The following ZNF362 variants were observed in gnomAD, a reference collection of about 807,000 sequenced individuals.
ZNF362 encodes the protein zinc finger protein 362.
Under a neutral mutation model 42.9 loss-of-function variants are expected in ZNF362, and 11 were observed. The ratio of observed to expected loss-of-function variants is 0.26; its 90% confidence interval spans 0.16 to 0.42. The LOEUF is 0.42. Ranked by LOEUF, ZNF362 falls within the 20% of genes least tolerant of loss-of-function variation. The pLI is 1.00. For missense variants in ZNF362, 362 were observed against 576.2 expected (o/e 0.63, Z 3.81); for synonymous variants, 255 against 257.3 (o/e 0.99, Z 0.09).
the ZNF362 span, among the ~76,000 whole-genome samples, chr1:33,201,945 A>G: frequency 4.6e-5 from 7 of 152,240 alleles, no homozygotes; most frequent in African/African-American, 1.7e-4. Context: ...ATCACCACAG[A>G]TTCTAAATAC....
the ZNF362 span, among the ~76,000 whole-genome samples, chr1:33,198,819 C>T: frequency 6.6e-6 from 1 of 152,070 alleles, no homozygotes; most frequent in African/African-American, 2.4e-5. Flanking sequence ...ACATGTTAAA[C>T]AGAATAATAG....
chr1:33,193,694 G>A, the ZNF362 span, among the ~76,000 whole-genome samples: 2 of 152,198 alleles, frequency 1.3e-5, no homozygotes, highest in East Asian at 3.8e-4. Context: ...TAAAGTCTTG[G>A]CTAACACAAA....
chr1:33,244,614 G>A, the ZNF362 span, among the ~76,000 whole-genome samples: 1 of 152,180 alleles, frequency 6.6e-6, no homozygotes, highest in Non-Finnish European at 1.5e-5. This position sits in a 1 kb window ranked among gnomAD's most constrained non-coding sequence, Gnocchi z 4.0. Context: ...GAGAGACTGG[G>A]AAGGCACTTA....
the ZNF362 span, among the ~76,000 whole-genome samples, chr1:33,244,896 T>A: frequency 6.6e-6 from 1 of 152,238 alleles, no homozygotes; most frequent in Non-Finnish European, 1.5e-5. The surrounding 1 kb of genome is among the most constrained non-coding windows in gnomAD (Gnocchi z 4.0). Flanking sequence ...TTCATGGGAC[T>A]GCCAACCTCA....
chr1:33,147,226 G>A, the ZNF362 span: 826 of 1,613,994 alleles, frequency 5.1e-4, 2 homozygotes, highest in South Asian at 1.0e-3. The surrounding 1 kb of genome is among the most constrained non-coding windows in gnomAD (Gnocchi z 8.1). Context: ...CTTGCCATTG[G>A]CGTGGCTCTG....
At chr1:33,132,148 G>A in the ZNF362 span, among the ~76,000 whole-genome samples, 1 of 152,194 alleles carries the variant, frequency 6.6e-6, no homozygotes, top group African/African-American at 2.4e-5. Flanking sequence ...TCTGGATCCA[G>A]CTGCTACGGC....
the ZNF362 span, among the ~76,000 whole-genome samples, chr1:33,189,687 A>ATG: frequency 2.2e-5 from 1 of 45,784 alleles, no homozygotes; most frequent in Non-Finnish European, 4.7e-5. Context: ...ATATATACGT[A>ATG]TATATATATA....
chr1:33,260,716 G>A (rs2148062613), intron 1 of ZNF362, among the ~76,000 whole-genome samples: 1 of 152,342 alleles, frequency 6.6e-6, no homozygotes, highest in South Asian at 2.1e-4. Flanking sequence ...ATGCTAGGGA[G>A]TCCAGGTGTG....
the ZNF362 span, among the ~76,000 whole-genome samples, chr1:33,220,175 G>T: frequency 1.3e-5 from 2 of 152,166 alleles, no homozygotes; most frequent in African/African-American, 4.8e-5. Flanking sequence ...GGGGTTGTAA[G>T]GTCACAGGAC....
At chr1:33,239,893 C>A in the ZNF362 span, among the ~76,000 whole-genome samples, 2 of 151,972 alleles carry the variant, frequency 1.3e-5, no homozygotes, top group South Asian at 2.1e-4. Flanking sequence ...AATTTGAAAA[C>A]CAAAATAAAT....
the ZNF362 span, chr1:33,165,571 A>AAC: frequency 1.2e-6 from 2 of 1,603,698 alleles, no homozygotes; most frequent in Non-Finnish European, 1.7e-6. The surrounding 1 kb of genome is among the most constrained non-coding windows in gnomAD (Gnocchi z 4.0). Context: ...CTCCCTCTGA[A>AAC]ACACACACAG....
chr1:33,263,762 G>A (rs1645845488), intron 1 of ZNF362, among the ~76,000 whole-genome samples: 1 of 152,218 alleles, frequency 6.6e-6, no homozygotes, highest in South Asian at 2.1e-4. Flanking sequence ...TGATGATGGG[G>A]GAGGAGCAGA....
the ZNF362 span, among the ~76,000 whole-genome samples, chr1:33,169,869 T>G: frequency 1.3e-5 from 2 of 152,230 alleles, no homozygotes; most frequent in Non-Finnish European, 2.9e-5. Context: ...GCAGACACAC[T>G]GAGCAGCTCG....
the ZNF362 span, among the ~76,000 whole-genome samples, chr1:33,208,978 A>AGAGG: frequency 2.6e-5 from 4 of 152,290 alleles, no homozygotes; most frequent in Middle Eastern, 3.4e-3. Flanking sequence ...GAGTGGTGAG[A>AGAGG]GAGGGCATCC....
intron 8 of ZNF362, among the ~76,000 whole-genome samples, chr1:33,296,732 T>G (rs774985366): frequency 6.6e-5 from 10 of 151,978 alleles, no homozygotes; most frequent in Admixed American, 1.3e-4. Flanking sequence ...CAAAGGAAAT[T>G]AGGTCAGTTG....
chr1:33,296,101 C>G lies in ZNF362; in HGVS notation c.1146+796C>G, dbSNP rs552301345. 2.0e-5 allele frequency among the ~76,000 whole-genome samples: 3 copies of G among 152,324 alleles called. No individual in the cohort carries two copies. The East Asian group carries it at 5.8e-4, about 30-fold the overall frequency. On this transcript the variant is annotated intron_variant, in intron 8 of 8. Coordinates refer to ENST00000539719, the MANE Select transcript of ZNF362 (RefSeq NM_152493.3). ...AGAACTGTTGGAGACAAGTATTAAA[C>G]AAGTACACACGTAACTGTTTGACGG...
the ZNF362 span, among the ~76,000 whole-genome samples, chr1:33,223,129 T>C: frequency 1.3e-5 from 2 of 152,112 alleles, no homozygotes; most frequent in East Asian, 3.9e-4. Flanking sequence ...CGTGTGCCTG[T>C]AGTCCCAGCT....
upstream of ZNF362, among the ~76,000 whole-genome samples, chr1:33,252,141 T>C (rs1194234409): frequency 6.6e-6 from 1 of 152,068 alleles, no homozygotes; most frequent in African/African-American, 2.4e-5. Flanking sequence ...TCACCTGAGG[T>C]CGGGAGTTTG....
At chr1:33,193,418 G>A in the ZNF362 span, among the ~76,000 whole-genome samples, 1 of 152,168 alleles carries the variant, frequency 6.6e-6, no homozygotes, top group African/African-American at 2.4e-5. Context: ...GGGCACACAG[G>A]ACTTCTATAG....
Sources: gnomAD v4.1 joint callset for allele counts (sites outside exome capture counted in the v4.1 genomes callset) on GRCh38, gnomAD v4.1.1 for gene constraint, Gnocchi (gnomAD v3.1) non-coding constraint, MANE v1.5 for transcripts, NCBI Gene and HGNC (gene_info 2026-07-23, HGNC 2026-07-21) for gene names.